Variants in CCDC7 observed in about 807,000 individuals in gnomAD.
CCDC7 encodes coiled-coil domain-containing protein 7.
In CCDC7, 183 loss-of-function variants were observed where a neutral mutation model predicts 196.9. That is an observed-to-expected ratio of 0.93 (90% CI 0.82 to 1.05). The LOEUF (loss-of-function observed/expected upper bound fraction) is 1.05, where lower values mean the gene tolerates loss of function less well. CCDC7 is among the 50% of genes least tolerant of loss of function. The pLI, the probability that CCDC7 is intolerant of heterozygous loss-of-function variation, is 0.00. For missense variants in CCDC7, 1,540 were observed against 1,482.2 expected, an observed-to-expected ratio of 1.04 and a Z score of -0.64; for synonymous variants, 525 against 484.6, an observed-to-expected ratio of 1.08 and a Z score of -1.10.
intron 21 of CCDC7, among the ~76,000 whole-genome samples, chr10:32,668,574 G>A (rs2073343654): frequency 6.6e-6 from 1 of 152,080 alleles, no homozygotes; most frequent in Non-Finnish European, 1.5e-5. Context: ...GAATTTTTTA[G>A]CATGAAGGGC....
In CCDC7 at chr10:32,521,744, A is replaced by G. The variant is rs547839202; in HGVS notation, c.993+3239A>G. ...AGAACTTCCAGTACTATGCTGAACA[A>G]CAGTCATGACAGTGGGCATTCTTAC... On this transcript the variant is annotated intron_variant, in intron 11 of 41. Transcript: ENST00000639629. Among the ~76,000 whole-genome samples, 256 of 152,276 alleles carry G rather than the reference A, an allele frequency of 1.7e-3. 1 individual carries two copies. Among genetic ancestry groups the G allele is most frequent in the Non-Finnish European group, 2.4e-3 (163 of 67,986 alleles).
chr10:32,556,160 G>T (rs571731683), intron 13 of CCDC7, among the ~76,000 whole-genome samples: 1 of 152,242 alleles, frequency 6.6e-6, no homozygotes, highest in South Asian at 2.1e-4. Flanking sequence ...TTTGTAGTCT[G>T]CCACAGTGGG....
chr10:32,709,084 G>A (rs1350835969), intron 24 of CCDC7, among the ~76,000 whole-genome samples: 5 of 152,092 alleles, frequency 3.3e-5, no homozygotes, highest in Admixed American at 1.3e-4. Flanking sequence ...ATGTCCCTCA[G>A]TGATAGACTG....
chr10:32,679,294 A>G (rs1225054920), intron 21 of CCDC7, among the ~76,000 whole-genome samples: 2 of 152,110 alleles, frequency 1.3e-5, no homozygotes, highest in East Asian at 3.9e-4. Flanking sequence ...GATTCCTCTG[A>G]CCTGTGGCAG....
At chr10:32,797,687 AAAAT>A (rs1297805704) in intron 29 of CCDC7, among the ~76,000 whole-genome samples, 11 of 152,188 alleles carry the variant, frequency 7.2e-5, no homozygotes, top group African/African-American at 2.7e-4. Flanking sequence ...AAATAAATAA[AAAAT>A]AAAACAAAAG....
intron 9 of CCDC7, among the ~76,000 whole-genome samples, chr10:32,497,973 G>T (rs556903993): frequency 1.1e-4 from 16 of 152,156 alleles, no homozygotes; most frequent in Admixed American, 1.0e-3. Context: ...TCGTTGATTT[G>T]TCTAATATTG....
At chr10:32,572,391 G>A (rs973447804) in intron 16 of CCDC7, among the ~76,000 whole-genome samples, 9 of 151,946 alleles carry the variant, frequency 5.9e-5, no homozygotes, top group African/African-American at 1.7e-4. Flanking sequence ...TATTATGATC[G>A]ACTCACAGAC....
intron 28 of CCDC7, among the ~76,000 whole-genome samples, chr10:32,730,438 A>G (rs920778881): frequency 2.0e-5 from 3 of 151,946 alleles, no homozygotes; most frequent in Non-Finnish European, 2.9e-5. Context: ...TTCCTTAGCA[A>G]TATTTGGTAC....
intron 11 of CCDC7, among the ~76,000 whole-genome samples, chr10:32,537,241 T>C (rs2050660957): frequency 6.6e-6 from 1 of 152,226 alleles, no homozygotes; most frequent in Non-Finnish European, 1.5e-5. Flanking sequence ...TTTGCACTTC[T>C]CTAATGATTA....
intron 18 of CCDC7, among the ~76,000 whole-genome samples, chr10:32,613,032 G>A (rs1042713085): frequency 6.6e-6 from 1 of 151,998 alleles, no homozygotes; most frequent in Non-Finnish European, 1.5e-5. Context: ...GGTAGAATTC[G>A]ACTGTGAAAC....
intron 29 of CCDC7, among the ~76,000 whole-genome samples, chr10:32,797,253 A>T (rs190254091): frequency 6.6e-6 from 1 of 150,978 alleles, no homozygotes; most frequent in East Asian, 1.9e-4. Context: ...GCGTATATAT[A>T]TGTGTGTATA....
intron 18 of CCDC7, among the ~76,000 whole-genome samples, chr10:32,596,890 C>G (rs978664310): frequency 4.6e-5 from 7 of 152,198 alleles, no homozygotes; most frequent in South Asian, 4.1e-4. Context: ...TCTGCCGAGA[C>G]ATCTGCTGTT....
chr10:32,687,805 A>G, intron 22 of CCDC7, among the ~76,000 whole-genome samples: 1 of 152,182 alleles, frequency 6.6e-6, no homozygotes, highest in East Asian at 1.9e-4. Flanking sequence ...TCATCTTAAG[A>G]TCACTGTGAT....
At chr10:32,705,109 C>G (rs904023318) in intron 24 of CCDC7, among the ~76,000 whole-genome samples, 1 of 152,140 alleles carries the variant, frequency 6.6e-6, no homozygotes, top group African/African-American at 2.4e-5. Flanking sequence ...ATTGCTCATG[C>G]TGGGAGCTGT....
At chr10:32,556,513 C>A (rs1213027639) in intron 13 of CCDC7, among the ~76,000 whole-genome samples, 9 of 152,050 alleles carry the variant, frequency 5.9e-5, no homozygotes, top group Non-Finnish European at 1.0e-4. Context: ...ATTTAACTTT[C>A]TTCTTCCTTT....
At chr10:32,761,984 G>A (rs2077533736) in intron 28 of CCDC7, among the ~76,000 whole-genome samples, 1 of 151,940 alleles carries the variant, frequency 6.6e-6, no homozygotes, top group Non-Finnish European at 1.5e-5. Context: ...CTGAGAGCCA[G>A]AAAGTGGTTG....
At chr10:32,555,528 G>A (rs1297358353) in intron 13 of CCDC7, among the ~76,000 whole-genome samples, 1 of 152,178 alleles carries the variant, frequency 6.6e-6, no homozygotes, top group Non-Finnish European at 1.5e-5. Context: ...ACAGGTGTGA[G>A]CCATTGTGCT....
chr10:32,783,146 G>GA (rs1374351755), intron 29 of CCDC7, among the ~76,000 whole-genome samples: 1 of 151,830 alleles, frequency 6.6e-6, no homozygotes, highest in Non-Finnish European at 1.5e-5. Context: ...GACAACAAAA[G>GA]AAAAAAATAG....
At chr10:32,623,119 A>G (rs1047303210) in intron 18 of CCDC7, among the ~76,000 whole-genome samples, 3 of 152,118 alleles carry the variant, frequency 2.0e-5, no homozygotes, top group Non-Finnish European at 4.4e-5. Flanking sequence ...TTTTCCTGCC[A>G]TATAGATTGC....
Sources: allele counts gnomAD v4.1 joint callset (sites outside exome capture counted in the v4.1 genomes callset), GRCh38; gene constraint gnomAD v4.1.1; transcripts MANE v1.5; gene names NCBI Gene and HGNC (gene_info 2026-07-23, HGNC 2026-07-21).